STIP1: variants seen among roughly 807,000 people sequenced by gnomAD.
The protein encoded by STIP1 is stress induced phosphoprotein 1.
STIP1 carries 16 observed loss-of-function variants against 77.4 expected under a neutral mutation model. That is an observed-to-expected ratio of 0.21 (90% CI 0.14 to 0.31). STIP1 has a LOEUF of 0.31. Among genes scored for constraint, STIP1 ranks in the 10% least tolerant of loss-of-function variants. STIP1 has a pLI of 1.00. For missense variants in STIP1, 524 were observed against 684.8 expected (o/e 0.77, Z 2.62); for synonymous variants, 258 against 246.6 (o/e 1.05, Z -0.44).
chr11:64,200,916 G>A (rs930620254), intron 10 of STIP1, among the ~76,000 whole-genome samples: 3 of 151,386 alleles, frequency 2.0e-5, no homozygotes, highest in Non-Finnish European at 2.9e-5. Context: ...TAGTAGAAAC[G>A]GGGTTTTACC....
rs1183488282 is a variant in STIP1, at chr11:64,194,756, G to T, written c.503+136G>T. Reference sequence around the variant, plus strand: ...GCTTATTCTCTGCAGAGCAGTAGGTGGTGGTCGTTTATTTGTAATTATAGA... The same window carrying T: ...GCTTATTCTCTGCAGAGCAGTAGGTTGTGGTCGTTTATTTGTAATTATAGA... On this transcript the variant is annotated intron_variant, in intron 4 of 13. Coordinates refer to ENST00000305218, the MANE Select transcript of STIP1 (RefSeq NM_006819.3). The T allele has an allele frequency of 7.2e-6, 8 of 1,116,138 alleles. No individual in the cohort carries two copies. In the South Asian group the frequency reaches 1.0e-4, roughly 14 times the overall value. The allele number at this position is 1,116,138 out of a possible 1,614,324, so 69.1% of individuals were successfully genotyped here.
At chr11:64,191,156 C>T (rs1946088245) in intron 1 of STIP1, among the ~76,000 whole-genome samples, 1 of 146,884 alleles carries the variant, frequency 6.8e-6, no homozygotes, top group Non-Finnish European at 1.5e-5. Context: ...TATTGCACTC[C>T]AGCCTGGGCA....
chr11:64,200,061 G>A, intron 9 of STIP1, 25 bp downstream of exon 9: 1 of 1,614,164 alleles, frequency 6.2e-7, no homozygotes, highest in Non-Finnish European at 8.5e-7. Context: ...TGGGGGATTG[G>A]GGGAGCAGTG....
At chr11:64,198,924 G>T (rs918905580) in intron 8 of STIP1, among the ~76,000 whole-genome samples, 4 of 149,962 alleles carry the variant, frequency 2.7e-5, no homozygotes, top group Non-Finnish European at 1.5e-5. Context: ...CAATAGCCGG[G>T]TGCAGTGGCT....
chr11:64,186,505 C>T (rs1320654462), intron 1 of STIP1: 4 of 344,984 alleles, frequency 1.2e-5, no homozygotes, highest in African/African-American at 4.4e-5. Context: ...GAGGGCCCGG[C>T]GGAGGCCACA....
rs146185826 is a variant in STIP1, at chr11:64,192,271, G to A, written c.10-807G>A. ...GGAGGTTGCAGTGAGCCGAGATCGT[G>A]CCACTGCACTCCAGCCTGGGTGACA... On this transcript the variant is annotated intron_variant, in intron 1 of 13. Coordinates refer to ENST00000305218, the MANE Select transcript of STIP1 (RefSeq NM_006819.3). Among the ~76,000 whole-genome samples the A allele has an allele frequency of 2.8e-3, 428 of 152,256 alleles. 11 individuals carry two copies. In the East Asian group the frequency reaches 0.068, roughly 24 times the overall value.
intron 1 of STIP1, among the ~76,000 whole-genome samples, chr11:64,187,604 C>T (rs909154453): frequency 1.2e-4 from 18 of 152,136 alleles, no homozygotes; most frequent in African/African-American, 3.9e-4. Flanking sequence ...AGTTAGTAAA[C>T]TTTTTTGTGC....
At chr11:64,193,528 G>C (rs1438557747) in intron 2 of STIP1, 1 of 497,438 alleles carries the variant, frequency 2.0e-6, no homozygotes, top group Non-Finnish European at 3.7e-6. Flanking sequence ...GCACGCCTGT[G>C]ATCCCAACAC....
At chr11:64,186,159 C>CG (rs908429062), upstream of STIP1, 142 of 1,550,574 alleles carry the variant, frequency 9.2e-5, no homozygotes, top group South Asian at 3.8e-4. Flanking sequence ...GGGCGGGAGC[C>CG]GGGGTCCCGG....
chr11:64,203,680 A>T, intron 13 of STIP1, 58 bp downstream of exon 13: 2 of 1,607,002 alleles, frequency 1.2e-6, no homozygotes, highest in Non-Finnish European at 1.7e-6. Context: ...CAGGCAGATG[A>T]GTGCACGCGG....
intron 8 of STIP1, 41 bp from the exon 9 acceptor site, chr11:64,199,899 A>G (rs1946196841): frequency 6.2e-7 from 1 of 1,609,640 alleles, no homozygotes; most frequent in Non-Finnish European, 8.5e-7. Flanking sequence ...TTAGATGATT[A>G]TGAGCGTTTA....
intron 5 of STIP1, among the ~76,000 whole-genome samples, chr11:64,196,443 G>A (rs961434948): frequency 6.7e-6 from 1 of 150,238 alleles, no homozygotes; most frequent in Non-Finnish European, 1.5e-5. Flanking sequence ...TAGGAGTAAT[G>A]TGTAGCAAAG....
At chr11:64,189,627 C>T (rs1054303249) in intron 1 of STIP1, among the ~76,000 whole-genome samples, 2 of 152,086 alleles carry the variant, frequency 1.3e-5, no homozygotes, top group African/African-American at 4.8e-5. Flanking sequence ...TAACCCAACA[C>T]AGGCGTACAG....
intron 13 of STIP1, 90 bp from the exon 14 acceptor site, chr11:64,203,964 C>T (rs1946252292): frequency 5.4e-6 from 8 of 1,494,072 alleles, no homozygotes; most frequent in African/African-American, 1.4e-5. Context: ...CCGGGGCCTT[C>T]TGTAGAGGGG....
chr11:64,195,849 A>G (rs757633029), intron 5 of STIP1, 36 bp downstream of exon 5: 24 of 1,612,818 alleles, frequency 1.5e-5, no homozygotes, highest in Middle Eastern at 1.6e-4. Context: ...TCACCTATCT[A>G]TAAACAACTA....
At chr11:64,202,846 G>A in intron 10 of STIP1, 30 bp from the exon 11 acceptor site, 1 of 1,614,120 alleles carries the variant, frequency 6.2e-7, no homozygotes, top group Non-Finnish European at 8.5e-7. Flanking sequence ...AAGGGAATGA[G>A]CCTAATTTCT....
At chr11:64,189,384 G>T (rs1450467321) in intron 1 of STIP1, among the ~76,000 whole-genome samples, 2 of 151,906 alleles carry the variant, frequency 1.3e-5, no homozygotes, top group Non-Finnish European at 2.9e-5. Flanking sequence ...ATAAATAAGC[G>T]GACATTGTGG....
upstream of STIP1, chr11:64,185,718 G>A (rs1288710787): frequency 2.1e-6 from 3 of 1,448,096 alleles, no homozygotes; most frequent in Non-Finnish European, 2.8e-6. Flanking sequence ...ATCAGGGGCG[G>A]GGCGAAACCC....
In STIP1 at chr11:64,197,598, A is replaced by G; in HGVS notation, c.902+3A>G. On this transcript the variant is annotated splice_donor_region_variant and intron_variant, in intron 7 of 13. Coordinates refer to ENST00000305218, the MANE Select transcript of STIP1 (RefSeq NM_006819.3). Reference sequence around the variant, plus strand: ...GAAGACTATCGACAGATTGCCAAGTAGGCTCAACCTTCCAGAATACCTTGA... The same window carrying G: ...GAAGACTATCGACAGATTGCCAAGTGGGCTCAACCTTCCAGAATACCTTGA... 1 of 1,614,126 alleles carries G rather than the reference A, an allele frequency of 6.2e-7. No homozygotes were observed. The highest frequency in any genetic ancestry group is 1.1e-5 in the South Asian group (1 of 91,074).
Sources: allele counts gnomAD v4.1 joint callset (sites outside exome capture counted in the v4.1 genomes callset), GRCh38; gene constraint gnomAD v4.1.1; transcripts MANE v1.5; gene names NCBI Gene and HGNC (gene_info 2026-07-23, HGNC 2026-07-21).